The following DPP10 variants were observed in gnomAD, a reference collection of about 807,000 sequenced individuals.
DPP10 encodes inactive dipeptidyl peptidase 10.
A neutral mutation model predicts 120.9 loss-of-function variants in DPP10; 33 were observed. The ratio of observed to expected loss-of-function variants is 0.27; its 90% CI spans 0.21 to 0.37. DPP10 has a LOEUF of 0.37. Ranked by LOEUF, DPP10 falls within the 10% of genes least tolerant of loss-of-function variation. DPP10 has a pLI of 1.00. For synonymous variants in DPP10, 337 were observed against 326.1 expected (o/e 1.03, Z -0.36); for missense variants, 816 against 942.8 (o/e 0.87, Z 1.76).
intron 2 of DPP10, among the ~76,000 whole-genome samples, chr2:115,341,370 C>T (rs1305153753): frequency 6.6e-6 from 1 of 152,026 alleles, no homozygotes; most frequent in Non-Finnish European, 1.5e-5. Context: ...CCCCCTGTGC[C>T]TGATACAGAC....
chr2:115,379,026 T>G (rs1033956665), intron 3 of DPP10, among the ~76,000 whole-genome samples: 25 of 152,120 alleles, frequency 1.6e-4, no homozygotes, highest in African/African-American at 4.1e-4. Flanking sequence ...TTTTGGTTGT[T>G]TCTCTGCCCG....
chr2:114,983,815 A>C (rs1035162111), intron 1 of DPP10, among the ~76,000 whole-genome samples: 1 of 152,204 alleles, frequency 6.6e-6, no homozygotes, highest in African/African-American at 2.4e-5. Flanking sequence ...TTGGAGGTTG[A>C]TCCCCTTATC....
At position 115,207,416 on chromosome 2, in the gene DPP10, C is replaced by CAAAAAAAAAAA. The variant is rs57462947; in HGVS notation, c.61-101803_61-101793dup. Among the ~76,000 whole-genome samples, 81 of 52,298 alleles carry CAAAAAAAAAAA rather than the reference C, an allele frequency of 1.5e-3. 4 individuals carry two copies. Among genetic ancestry groups the CAAAAAAAAAAA allele is most frequent in the African/African-American group, 4.8e-3 (73 of 15,132 alleles). The allele number at this position is 52,298 out of a possible 152,430, so 34.3% of individuals were successfully genotyped here. On this transcript the variant is annotated intron_variant, in intron 1 of 25. Transcript: ENST00000410059. ...GGTTTTTAAAGAGTGCTTACTGCACCAAAAAAAAAAAAAAAAAAAAAAAAA... is the reference window on the plus strand; with the variant it reads ...GGTTTTTAAAGAGTGCTTACTGCACCAAAAAAAAAAAAAAAAAAAAAAAAAAAAAAAAAAAA...
intron 1 of DPP10, among the ~76,000 whole-genome samples, chr2:114,803,807 C>T (rs903777471): frequency 5.9e-5 from 9 of 152,108 alleles, no homozygotes; most frequent in African/African-American, 1.9e-4. Context: ...ATTTTGCAGC[C>T]TGATTATGTG....
chr2:115,076,516 T>C (rs1394714211), intron 1 of DPP10, among the ~76,000 whole-genome samples: 1 of 152,132 alleles, frequency 6.6e-6, no homozygotes, highest in Non-Finnish European at 1.5e-5. Context: ...TTCTGTACTT[T>C]TGTTACATAA....
chr2:115,087,421 T>C (rs904342774), intron 1 of DPP10, among the ~76,000 whole-genome samples: 14 of 152,140 alleles, frequency 9.2e-5, no homozygotes, highest in African/African-American at 3.4e-4. Flanking sequence ...CAGAATCACA[T>C]GGCAGGTGAC....
At chr2:115,780,152 A>C (rs1394955960) in intron 15 of DPP10, among the ~76,000 whole-genome samples, 3 of 152,024 alleles carry the variant, frequency 2.0e-5, no homozygotes, top group African/African-American at 7.2e-5. Context: ...TTTTGCATTC[A>C]GACTTATTTA....
chr2:114,665,906 C>T (rs1697888792), intron 1 of DPP10, among the ~76,000 whole-genome samples: 2 of 152,158 alleles, frequency 1.3e-5, no homozygotes, highest in African/African-American at 2.4e-5. Flanking sequence ...AAAAAGCAGA[C>T]TTGCCTATAC....
At chr2:115,364,554 C>G (rs2064972737) in intron 3 of DPP10, among the ~76,000 whole-genome samples, 1 of 151,772 alleles carries the variant, frequency 6.6e-6, no homozygotes, top group Non-Finnish European at 1.5e-5. Context: ...ATACAAAAAG[C>G]AAATTCCTGC....
intron 1 of DPP10, among the ~76,000 whole-genome samples, chr2:115,264,967 G>T (rs151121352): frequency 6.6e-6 from 1 of 152,094 alleles, no homozygotes; most frequent in African/African-American, 2.4e-5. Flanking sequence ...AAATGTTTCA[G>T]CTTATAGGTT....
chr2:115,539,456 CA>C (rs997112646), intron 5 of DPP10, among the ~76,000 whole-genome samples: 1 of 151,876 alleles, frequency 6.6e-6, no homozygotes, highest in Admixed American at 6.6e-5. Context: ...TAGAAATATT[CA>C]AAAGATGGGT....
chr2:114,955,842 C>T (rs1487436058), intron 1 of DPP10, among the ~76,000 whole-genome samples: 1 of 152,100 alleles, frequency 6.6e-6, no homozygotes, highest in Non-Finnish European at 1.5e-5. Context: ...AAGGACTAAG[C>T]TATATGATCA....
intron 24 of DPP10, among the ~76,000 whole-genome samples, chr2:115,839,645 GCCTGGGC>G (rs1274944972): frequency 7.1e-6 from 1 of 140,720 alleles, no homozygotes; most frequent in South Asian, 2.2e-4. Flanking sequence ...CTGCACTCCA[GCCTGGGC>G]AACAGAGCAA....
intron 5 of DPP10, among the ~76,000 whole-genome samples, chr2:115,670,158 G>A (rs1189443376): frequency 2.0e-5 from 3 of 151,968 alleles, no homozygotes; most frequent in Non-Finnish European, 4.4e-5. Flanking sequence ...TCTTATAAGG[G>A]CACTAATCCC....
chr2:114,546,433 A>C (rs1284577020), intron 1 of DPP10, among the ~76,000 whole-genome samples: 4 of 152,176 alleles, frequency 2.6e-5, no homozygotes, highest in Admixed American at 6.5e-5. Context: ...TCATGATCCA[A>C]TCAGCCTCTG....
intron 1 of DPP10, among the ~76,000 whole-genome samples, chr2:115,148,452 G>C (rs1329355161): frequency 1.3e-5 from 2 of 152,114 alleles, no homozygotes; most frequent in Non-Finnish European, 2.9e-5. Flanking sequence ...AGAATAAACA[G>C]TGTCTGCATT....
chr2:114,603,368 C>T (rs1427726611), intron 1 of DPP10, among the ~76,000 whole-genome samples: 1 of 152,032 alleles, frequency 6.6e-6, no homozygotes, highest in Non-Finnish European at 1.5e-5. Context: ...ACTCATGATT[C>T]ACCATCTATT....
intron 1 of DPP10, among the ~76,000 whole-genome samples, chr2:114,546,619 A>G (rs188296346): frequency 2.7e-3 from 418 of 152,318 alleles, no homozygotes; most frequent in Non-Finnish European, 3.5e-3. Context: ...TTCCCTTGAC[A>G]GAACAGTCAA....
chr2:115,303,163 G>A (rs1163620590), intron 1 of DPP10, among the ~76,000 whole-genome samples: 1 of 151,318 alleles, frequency 6.6e-6, no homozygotes, highest in Non-Finnish European at 1.5e-5. Flanking sequence ...TCTTTTTGTG[G>A]TATTTTTTTC....
Sources: gnomAD v4.1 joint callset for allele counts (sites outside exome capture counted in the v4.1 genomes callset) on GRCh38, gnomAD v4.1.1 for gene constraint, MANE v1.5 for transcripts, NCBI Gene and HGNC (gene_info 2026-07-23, HGNC 2026-07-21) for gene names.